The following C2CD3 variants were observed in gnomAD, a reference collection of about 807,000 sequenced individuals.
C2CD3 encodes the protein C2 domain-containing protein 3.
In C2CD3, 148 loss-of-function variants were observed where a neutral mutation model predicts 234.0. The observed-to-expected ratio is 0.63, with a 90% CI of 0.55 to 0.72. The LOEUF is 0.72. Ranked by LOEUF, C2CD3 falls within the 30% of genes least tolerant of loss-of-function variation. The pLI, the probability that C2CD3 is intolerant of heterozygous loss-of-function variation, is 0.00. For missense variants in C2CD3, 2,577 were observed against 2,811.5 expected (o/e 0.92, Z 1.89); for synonymous variants, 1,000 against 1,035.4 (o/e 0.97, Z 0.66).
chr11:74,156,130 T>C (rs1423666678), intron 3 of C2CD3, among the ~76,000 whole-genome samples: 2 of 151,952 alleles, frequency 1.3e-5, no homozygotes, highest in Non-Finnish European at 2.9e-5. Context: ...AAAAATTAGC[T>C]GGGCATGGTG....
At chr11:74,161,645 C>G (rs1428764321) in intron 2 of C2CD3, 89 bp from the exon 3 acceptor site, 2 of 775,322 alleles carry the variant, frequency 2.6e-6, no homozygotes, top group Non-Finnish European at 3.9e-6. Flanking sequence ...TGCGGAAAAG[C>G]TTTCTAACTT....
At chr11:74,127,974 T>C (rs980501708) in intron 7 of C2CD3, among the ~76,000 whole-genome samples, 1 of 152,112 alleles carries the variant, frequency 6.6e-6, no homozygotes, top group African/African-American at 2.4e-5. Context: ...GCCATTCTCC[T>C]GCCTCAGCCT....
At chr11:74,096,691 T>A (rs180719904) in intron 16 of C2CD3, among the ~76,000 whole-genome samples, 1 of 152,296 alleles carries the variant, frequency 6.6e-6, no homozygotes, top group Admixed American at 6.5e-5. Context: ...TTTTCTAACC[T>A]TTACTATGGA....
chr11:74,117,610 G>A (rs1422146846), intron 9 of C2CD3, among the ~76,000 whole-genome samples: 1 of 151,536 alleles, frequency 6.6e-6, no homozygotes, highest in Non-Finnish European at 1.5e-5. Context: ...AGAAGGTGAG[G>A]GATAAAAGAC....
At chr11:74,160,353 C>A (rs1461173776) in intron 3 of C2CD3, among the ~76,000 whole-genome samples, 2 of 152,004 alleles carry the variant, frequency 1.3e-5, no homozygotes, top group Admixed American at 1.3e-4. Context: ...CATTCATCAA[C>A]AAATCAATGG....
rs71469494 is a variant in C2CD3 at position 74,117,361 on chromosome 11, A to AATATATATATATATATATATATAT, written c.1520+843_1520+866dup. On this transcript the variant is annotated intron_variant, in intron 9 of 32. Coordinates refer to ENST00000334126, the MANE Select transcript of C2CD3 (RefSeq NM_001286577.2). The stretch of plus-strand genomic sequence containing the variant: ...ACATCGTCTAAGTCATTTGGCCTCA[A>AATATATATATATATATATATATAT]ATATATATATATATATATATATATA... 1.3e-3 allele frequency among the ~76,000 whole-genome samples: 127 copies of AATATATATATATATATATATATAT among 94,812 alleles called. 2 individuals are homozygous for AATATATATATATATATATATATAT. The highest frequency in any genetic ancestry group is 1.8e-3 in the Non-Finnish European group (87 of 48,280). 62.2% of individuals were successfully genotyped at this position (94,812 alleles called of 152,430 possible). A position where few individuals can be genotyped will look rare whatever the true frequency, so the allele number is the denominator to read the frequency against.
chr11:74,050,782 C>G (rs1953640805), intron 26 of C2CD3, among the ~76,000 whole-genome samples: 1 of 147,340 alleles, frequency 6.8e-6, no homozygotes, highest in Non-Finnish European at 1.5e-5. Flanking sequence ...ACTATGTTCC[C>G]TACACTCTCC....
intron 3 of C2CD3, among the ~76,000 whole-genome samples, chr11:74,151,319 T>TTATTTATTTATG (rs1555063727): frequency 0.017 from 2,594 of 151,724 alleles, 41 homozygotes; most frequent in African/African-American, 0.031. Flanking sequence ...ATTTATTTAT[T>TTATTTATTTATG]TATTTATTTA....
chr11:74,103,585 C>A lies in C2CD3; in HGVS notation c.2126G>T (p.Gly709Val). The stretch of plus-strand genomic sequence containing the variant: ...GTTGCCACTTAACTTAGTATTGATA[C>A]CAGTGAAATCTTTGTTATCTGTAAT... ...ELITDNKDFTGINTKLSGNTH... is the reference protein window; with the variant it reads ...ELITDNKDFTVINTKLSGNTH... Residue 709 changes from glycine (G) to valine (V), a missense_variant, in exon 14 of 33, where the codon GGT (glycine) becomes GTT (valine). Physicochemically the swap from Gly to Val is moderately radical, Grantham distance 109. Transcript: ENST00000334126. 1 of 1,612,684 alleles carries A rather than the reference C, an allele frequency of 6.2e-7. No homozygotes were observed. Among genetic ancestry groups the A allele is most frequent in the Middle Eastern group, 1.7e-4 (1 of 6,060 alleles).
chr11:74,115,239 T>C (rs2135511909), intron 9 of C2CD3, among the ~76,000 whole-genome samples: 1 of 151,898 alleles, frequency 6.6e-6, no homozygotes, highest in East Asian at 1.9e-4. Context: ...CATACATATA[T>C]ATACACACAC....
intron 32 of C2CD3, among the ~76,000 whole-genome samples, chr11:74,018,687 T>G (rs903018421): frequency 5.3e-5 from 8 of 152,026 alleles, no homozygotes; most frequent in Admixed American, 3.9e-4. Flanking sequence ...AGAACTTCCT[T>G]GATACTACAG....
At chr11:74,037,069 G>T (rs1565215143) in intron 30 of C2CD3, among the ~76,000 whole-genome samples, 1 of 152,180 alleles carries the variant, frequency 6.6e-6, no homozygotes, top group Non-Finnish European at 1.5e-5. Flanking sequence ...TTCATAATTA[G>T]AATTTTAAAT....
intron 29 of C2CD3, among the ~76,000 whole-genome samples, chr11:74,041,111 G>A (rs970747282): frequency 6.6e-6 from 1 of 151,932 alleles, no homozygotes; most frequent in Non-Finnish European, 1.5e-5. Context: ...TCTTTTAAGT[G>A]GTTACATAAT....
intron 32 of C2CD3, among the ~76,000 whole-genome samples, chr11:74,020,021 T>C (rs946557520): frequency 1.4e-4 from 21 of 152,214 alleles, no homozygotes; most frequent in Non-Finnish European, 7.3e-5. Flanking sequence ...AAGGGTACCC[T>C]CATGCCTGGC....
intron 3 of C2CD3, among the ~76,000 whole-genome samples, chr11:74,147,094 A>T (rs148056924): frequency 1.4e-4 from 21 of 152,118 alleles, no homozygotes; most frequent in Middle Eastern, 3.4e-3. Flanking sequence ...AAATAAAAAA[A>T]ATTCCCTTGG....
At chr11:74,065,048 C>A (rs1042046600) in intron 24 of C2CD3, among the ~76,000 whole-genome samples, 1 of 152,102 alleles carries the variant, frequency 6.6e-6, no homozygotes, top group Non-Finnish European at 1.5e-5. Context: ...GCAACAAAAG[C>A]CAAAATTGAC....
At position 74,097,963 on chromosome 11, in the gene C2CD3, A is replaced by C. The variant is rs763176519; in HGVS notation, c.2979+46T>G. The C allele has an allele frequency of 5.1e-6, 8 of 1,577,510 alleles. No individual in the cohort carries two copies. The East Asian group carries it at 6.7e-5, about 13-fold the overall frequency. On this transcript the variant is annotated intron_variant, in intron 16 of 32. Transcript: ENST00000334126. ...GGCAATAAATTCACTAAAATATGCAAGAGAAAATGAAATAATGACTTTTTG... is the reference window on the plus strand; with the variant it reads ...GGCAATAAATTCACTAAAATATGCACGAGAAAATGAAATAATGACTTTTTG...
chr11:74,084,855 A>G (rs749552157), intron 22 of C2CD3, 26 bp downstream of exon 22: 2 of 1,387,632 alleles, frequency 1.4e-6, no homozygotes, highest in Non-Finnish European at 2.1e-6. Context: ...GGGTGGCATC[A>G]GAAAGTGATA....
At chr11:74,083,502 G>C (rs1955489589) in intron 22 of C2CD3, among the ~76,000 whole-genome samples, 1 of 152,136 alleles carries the variant, frequency 6.6e-6, no homozygotes, top group African/African-American at 2.4e-5. Context: ...AGAGTGAACA[G>C]GCAACCTACA....
Sources: gnomAD v4.1 joint callset for allele counts (sites outside exome capture counted in the v4.1 genomes callset) on GRCh38, gnomAD v4.1.1 for gene constraint, MANE v1.5 for transcripts, NCBI Gene and HGNC (gene_info 2026-07-23, HGNC 2026-07-21) for gene names.